Variants in RGS7 observed in about 807,000 individuals in gnomAD.
RGS7 encodes regulator of G protein signaling 7.
A neutral mutation model predicts 81.1 loss-of-function variants in RGS7; 27 were observed. The ratio of observed to expected loss-of-function variants is 0.33; its 90% CI spans 0.25 to 0.46. The LOEUF (loss-of-function observed/expected upper bound fraction) is 0.46. Among genes scored for constraint, RGS7 ranks in the 20% least tolerant of loss-of-function variants. The probability of loss-of-function intolerance (pLI) is 1.00; values close to 1 mark genes in which losing one functional copy is unlikely to be tolerated. For synonymous variants in RGS7, 208 were observed against 207.7 expected, an observed-to-expected ratio of 1.00 and a Z score of -0.01; for missense variants, 396 against 607.4, an observed-to-expected ratio of 0.65 and a Z score of 3.66.
chr1:240,925,232 G>C (rs1674242800), intron 6 of RGS7, among the ~76,000 whole-genome samples: 1 of 152,078 alleles, frequency 6.6e-6, no homozygotes, highest in Admixed American at 6.5e-5. Context: ...CCCAGGTAGT[G>C]AGCATAGTCC....
At chr1:241,005,645 C>T (rs1272324558) in intron 3 of RGS7, among the ~76,000 whole-genome samples, 2 of 152,118 alleles carry the variant, frequency 1.3e-5, no homozygotes, top group Admixed American at 1.3e-4. Context: ...AGCAATTCTC[C>T]TGCCTCAGCC....
intron 3 of RGS7, among the ~76,000 whole-genome samples, chr1:241,036,939 T>G (rs1450810692): frequency 6.6e-6 from 1 of 152,076 alleles, no homozygotes; most frequent in African/African-American, 2.4e-5. Flanking sequence ...ATACTTAAGT[T>G]GAAAGGACCC....
At chr1:240,940,917 G>A (rs967854209) in intron 4 of RGS7, among the ~76,000 whole-genome samples, 1 of 152,188 alleles carries the variant, frequency 6.6e-6, no homozygotes, top group African/African-American at 2.4e-5. Flanking sequence ...TCTTCTTCAT[G>A]TAATACTACC....
At chr1:241,037,333 G>T (rs2060380531) in intron 3 of RGS7, among the ~76,000 whole-genome samples, 1 of 152,120 alleles carries the variant, frequency 6.6e-6, no homozygotes, top group Non-Finnish European at 1.5e-5. Context: ...GGGAGAAGTA[G>T]GTAGGGAAAG....
At chr1:240,805,959 T>C (rs1161259960) in intron 15 of RGS7, among the ~76,000 whole-genome samples, 181 bp downstream of exon 15, 1 of 152,032 alleles carries the variant, frequency 6.6e-6, no homozygotes, top group Non-Finnish European at 1.5e-5. Context: ...TCCCAGGTTT[T>C]AAAAAAACTA....
At chr1:241,288,994 T>C (rs2078961185) in intron 2 of RGS7, among the ~76,000 whole-genome samples, 1 of 152,226 alleles carries the variant, frequency 6.6e-6, no homozygotes, top group South Asian at 2.1e-4. Context: ...AGTGATTATA[T>C]AAATCCATTC....
intron 2 of RGS7, among the ~76,000 whole-genome samples, chr1:241,318,992 T>G (rs1049948279): frequency 6.6e-6 from 1 of 152,208 alleles, no homozygotes; most frequent in Non-Finnish European, 1.5e-5. Context: ...CAATTACTCC[T>G]CAGGAAGACA....
chr1:241,000,497 T>C (rs1687964747), intron 3 of RGS7, among the ~76,000 whole-genome samples: 1 of 152,178 alleles, frequency 6.6e-6, no homozygotes, highest in Admixed American at 6.5e-5. Context: ...ATATTTTAAG[T>C]CTCCTTACTC....
At chr1:241,139,293 TC>T (rs1183890632) in intron 2 of RGS7, among the ~76,000 whole-genome samples, 9 of 145,544 alleles carry the variant, frequency 6.2e-5, no homozygotes, top group African/African-American at 2.3e-4. Flanking sequence ...TTTCCTTCCT[TC>T]TTTCCTTCCT....
chr1:240,817,654 G>A (rs138275874), intron 10 of RGS7, among the ~76,000 whole-genome samples: 3 of 152,122 alleles, frequency 2.0e-5, no homozygotes, highest in Non-Finnish European at 2.9e-5. Flanking sequence ...TCAGGCTGGA[G>A]TGCAGTGGCG....
intron 2 of RGS7, among the ~76,000 whole-genome samples, chr1:241,102,798 GA>G (rs2064851696): frequency 6.6e-6 from 1 of 151,990 alleles, no homozygotes; most frequent in Non-Finnish European, 1.5e-5. Flanking sequence ...AAGCTTCAGT[GA>G]TTGAGATTTA....
chr1:241,156,189 C>T (rs904510422), intron 2 of RGS7, among the ~76,000 whole-genome samples: 74 of 150,498 alleles, frequency 4.9e-4, no homozygotes, highest in African/African-American at 1.8e-3. Flanking sequence ...CATAGACAGA[C>T]AGACAGAAAG....
chr1:241,307,823 C>G (rs1317460094), intron 2 of RGS7, among the ~76,000 whole-genome samples: 1 of 152,170 alleles, frequency 6.6e-6, no homozygotes, highest in African/African-American at 2.4e-5. Context: ...AATGAGATGT[C>G]TTCCCAGAGA....
chr1:241,058,647 A>G (rs1206746668), intron 3 of RGS7, among the ~76,000 whole-genome samples: 1 of 152,202 alleles, frequency 6.6e-6, no homozygotes, highest in Non-Finnish European at 1.5e-5. Context: ...GCTTGTCTGT[A>G]TCTTATTTCA....
chr1:240,962,065 A>G (rs1236306423), intron 4 of RGS7, among the ~76,000 whole-genome samples: 2 of 152,140 alleles, frequency 1.3e-5, no homozygotes, highest in African/African-American at 4.8e-5. Context: ...ATGAAAGAGT[A>G]TTACACACGT....
At chr1:241,037,006 G>A (rs1174727048) in intron 3 of RGS7, among the ~76,000 whole-genome samples, 1 of 152,168 alleles carries the variant, frequency 6.6e-6, no homozygotes, top group Non-Finnish European at 1.5e-5. Context: ...ACTGACTAGG[G>A]ACATAGGTTT....
chr1:241,293,602 A>T (rs750755352), intron 2 of RGS7, among the ~76,000 whole-genome samples: 20 of 152,228 alleles, frequency 1.3e-4, no homozygotes, highest in Non-Finnish European at 2.2e-4. Flanking sequence ...AAGTAAAAAA[A>T]ATTAAAGCAC....
chr1:240,891,281 A>C (rs1572627277), intron 6 of RGS7, among the ~76,000 whole-genome samples: 1 of 152,222 alleles, frequency 6.6e-6, no homozygotes, highest in East Asian at 1.9e-4. Flanking sequence ...TGCAAATGTA[A>C]GATTAACTAT....
intron 2 of RGS7, among the ~76,000 whole-genome samples, chr1:241,208,166 A>T (rs1045604354): frequency 1.2e-4 from 19 of 152,076 alleles, no homozygotes; most frequent in African/African-American, 4.3e-4. Flanking sequence ...ATCCTCCCAA[A>T]GTGCTGGGAT....
Sources: allele counts gnomAD v4.1 joint callset (sites outside exome capture counted in the v4.1 genomes callset), GRCh38; gene constraint gnomAD v4.1.1; transcripts MANE v1.5; gene names NCBI Gene and HGNC (gene_info 2026-07-23, HGNC 2026-07-21).